The following TBC1D5 variants were observed in gnomAD, a reference collection of about 807,000 sequenced individuals.
TBC1D5 encodes the protein TBC1 domain family, member 5.
Under a neutral mutation model 100.3 loss-of-function variants are expected in TBC1D5, and 75 were observed. That is an observed-to-expected ratio of 0.75 (90% CI 0.62 to 0.91). TBC1D5 has a LOEUF of 0.91. TBC1D5 is among the 40% of genes least tolerant of loss of function. The probability of loss-of-function intolerance (pLI) is 0.00; values close to 1 mark genes in which losing one functional copy is unlikely to be tolerated. For missense variants in TBC1D5, 910 were observed against 942.4 expected, an observed-to-expected ratio of 0.97 and a Z score of 0.45; for synonymous variants, 323 against 325.6, an observed-to-expected ratio of 0.99 and a Z score of 0.09.
chr3:17,278,680 A>C (rs1260668606), intron 15 of TBC1D5, among the ~76,000 whole-genome samples: 3 of 152,224 alleles, frequency 2.0e-5, no homozygotes, highest in Non-Finnish European at 4.4e-5. Flanking sequence ...TGAATGAAAA[A>C]AAGAGATTGT....
At chr3:17,257,390 T>C (rs1370014492) in intron 16 of TBC1D5, among the ~76,000 whole-genome samples, 2 of 152,194 alleles carry the variant, frequency 1.3e-5, no homozygotes, top group African/African-American at 2.4e-5. Flanking sequence ...ATAATCAATC[T>C]GGCAGTCATT....
At chr3:17,570,503 A>G (rs1364923016) in intron 2 of TBC1D5, among the ~76,000 whole-genome samples, 1 of 152,002 alleles carries the variant, frequency 6.6e-6, no homozygotes, top group Non-Finnish European at 1.5e-5. Context: ...AACTTTCAGA[A>G]AAGTTACAAG....
chr3:17,499,430 G>A (rs1168012561), intron 3 of TBC1D5, among the ~76,000 whole-genome samples: 1 of 134,930 alleles, frequency 7.4e-6, no homozygotes, highest in Non-Finnish European at 1.5e-5. Context: ...ATTCTAGGTA[G>A]GGGACTGTGG....
chr3:17,415,350 C>T (rs901574599), intron 4 of TBC1D5, among the ~76,000 whole-genome samples: 15 of 151,666 alleles, frequency 9.9e-5, no homozygotes, highest in South Asian at 6.3e-4. Context: ...TTAGTAGAGA[C>T]GGGGTTTCAC....
intron 13 of TBC1D5, among the ~76,000 whole-genome samples, chr3:17,364,416 T>C (rs1287471747): frequency 6.6e-6 from 1 of 152,190 alleles, no homozygotes; most frequent in Non-Finnish European, 1.5e-5. Flanking sequence ...GACAAACTCC[T>C]TGCTGTCACA....
chr3:17,359,078 T>C (rs2091477744), intron 13 of TBC1D5, among the ~76,000 whole-genome samples: 1 of 151,786 alleles, frequency 6.6e-6, no homozygotes, highest in Non-Finnish European at 1.5e-5. Flanking sequence ...AAATAAGAAA[T>C]TTGAGGGGAT....
chr3:17,654,779 C>A (rs1316723393), intron 1 of TBC1D5, among the ~76,000 whole-genome samples: 1 of 152,080 alleles, frequency 6.6e-6, no homozygotes, highest in Non-Finnish European at 1.5e-5. Flanking sequence ...GGCTGTGAAT[C>A]CATCTGGTCC....
At chr3:17,479,168 A>G (rs906575669) in intron 3 of TBC1D5, among the ~76,000 whole-genome samples, 1 of 152,186 alleles carries the variant, frequency 6.6e-6, no homozygotes, top group Non-Finnish European at 1.5e-5. Flanking sequence ...GGGGTGGCAG[A>G]GGCAAGAGGA....
intron 2 of TBC1D5, among the ~76,000 whole-genome samples, chr3:17,532,053 A>G (rs1006779242): frequency 1.3e-5 from 2 of 152,236 alleles, no homozygotes; most frequent in African/African-American, 4.8e-5. Flanking sequence ...AAGGGAACCT[A>G]CAGAATGGGA....
intron 13 of TBC1D5, among the ~76,000 whole-genome samples, chr3:17,346,508 A>G (rs372416372): frequency 2.6e-5 from 4 of 152,160 alleles, no homozygotes; most frequent in African/African-American, 7.2e-5. Flanking sequence ...TTTGCCATAT[A>G]CTTGTAAACA....
intron 13 of TBC1D5, among the ~76,000 whole-genome samples, chr3:17,343,527 G>A (rs1314405307): frequency 1.4e-5 from 2 of 140,050 alleles, no homozygotes; most frequent in South Asian, 2.3e-4. Flanking sequence ...GATTGGAATA[G>A]TTTCAGAAGG....
At chr3:17,588,060 A>ACG (rs1476700217) in intron 2 of TBC1D5, among the ~76,000 whole-genome samples, 2 of 152,104 alleles carry the variant, frequency 1.3e-5, no homozygotes, top group Non-Finnish European at 2.9e-5. Flanking sequence ...AACAAGAAAA[A>ACG]GTAACACTAC....
rs2076885032 is a variant in TBC1D5, at chr3:17,248,026, C to T, written c.1332-9607G>A. 2.7e-5 allele frequency among the ~76,000 whole-genome samples: 4 copies of T among 150,050 alleles called. No individual in the cohort carries two copies. The South Asian group carries it at 8.4e-4, about 32-fold the overall frequency. On this transcript the variant is annotated intron_variant, in intron 16 of 21. Coordinates refer to ENST00000253692, the Ensembl canonical transcript of TBC1D5. The stretch of plus-strand genomic sequence containing the variant: ...TTTTTCTTCTAAACAGAGTCTCGCT[C>T]TGTCACCCAGGCTGGAGTGTGGTGG...
At chr3:17,614,678 G>A (rs955190364) in intron 2 of TBC1D5, among the ~76,000 whole-genome samples, 2 of 151,454 alleles carry the variant, frequency 1.3e-5, no homozygotes, top group East Asian at 3.9e-4. Context: ...TCATGATTTG[G>A]CTGTTTGTCT....
At chr3:17,668,799 G>T (rs2067580516) in intron 1 of TBC1D5, among the ~76,000 whole-genome samples, 1 of 151,914 alleles carries the variant, frequency 6.6e-6, no homozygotes, top group African/African-American at 2.4e-5. Flanking sequence ...CTCCCCAGCT[G>T]CCCACTAGAC....
chr3:17,277,638 A>C (rs909237036), intron 15 of TBC1D5, among the ~76,000 whole-genome samples: 2 of 152,252 alleles, frequency 1.3e-5, no homozygotes, highest in African/African-American at 4.8e-5. Context: ...TGTTCCTTAC[A>C]GAAGACCAAA....
intron 16 of TBC1D5, among the ~76,000 whole-genome samples, chr3:17,251,498 C>CGGCTAATA (rs951817355): frequency 7.3e-6 from 1 of 137,430 alleles, no homozygotes; most frequent in Admixed American, 8.2e-5. Flanking sequence ...GGAAAGCAGG[C>CGGCTAATA]GGCTAATACC....
chr3:17,286,063 G>A (rs988814909), intron 15 of TBC1D5, among the ~76,000 whole-genome samples: 1 of 152,112 alleles, frequency 6.6e-6, no homozygotes, highest in Non-Finnish European at 1.5e-5. Context: ...AATGGTAGCC[G>A]TCAAATTCTT....
At chr3:17,530,726 C>CA (rs2096209870) in intron 2 of TBC1D5, among the ~76,000 whole-genome samples, 1 of 152,124 alleles carries the variant, frequency 6.6e-6, no homozygotes, top group Non-Finnish European at 1.5e-5. Flanking sequence ...GAACCAAAGA[C>CA]AAAAACCACA....
Sources: allele counts gnomAD v4.1 joint callset (sites outside exome capture counted in the v4.1 genomes callset), GRCh38; gene constraint gnomAD v4.1.1; transcripts MANE v1.5; gene names NCBI Gene and HGNC (gene_info 2026-07-23, HGNC 2026-07-21).